The following FANK1 variants were observed in gnomAD, a reference collection of about 807,000 sequenced individuals.
The protein encoded by FANK1 is fibronectin type 3 and ankyrin repeat domains protein 1.
A neutral mutation model predicts 45.3 loss-of-function variants in FANK1; 44 were observed. That is an observed-to-expected ratio of 0.97 (90% CI 0.76 to 1.25). The LOEUF (loss-of-function observed/expected upper bound fraction) is 1.25. FANK1 is among the 50% of genes most tolerant of loss of function. FANK1 has a pLI of 0.00. For missense variants in FANK1, 391 were observed against 424.4 expected (o/e 0.92, Z 0.69); for synonymous variants, 149 against 152.5 (o/e 0.98, Z 0.17).
chr10:126,007,205 G>A (rs1953283368), intron 7 of FANK1: 1 of 152,188 alleles, frequency 6.6e-6, no homozygotes, highest in Non-Finnish European at 1.5e-5. Context: ...TACTAAGAGT[G>A]ACTTATTTAC....
At chr10:125,994,747 CTGT>C (rs919483967) in intron 3 of FANK1, 3 of 985,250 alleles carry the variant, frequency 3.0e-6, no homozygotes, top group Non-Finnish European at 3.6e-6. Context: ...GCCCGCCTGC[CTGT>C]TGGCTTCGCT....
At chr10:125,936,763 G>C (rs921599750) in intron 1 of FANK1, among the ~76,000 whole-genome samples, 14 of 151,890 alleles carry the variant, frequency 9.2e-5, no homozygotes, top group Non-Finnish European at 7.4e-5. Context: ...TCTTGTTTTT[G>C]GCTATTATGA....
intron 6 of FANK1, among the ~76,000 whole-genome samples, chr10:126,000,827 A>G (rs1952703241): frequency 6.6e-6 from 1 of 152,212 alleles, no homozygotes; most frequent in South Asian, 2.1e-4. Flanking sequence ...ATGCCCATAC[A>G]TATACTCCAA....
intron 1 of FANK1, among the ~76,000 whole-genome samples, chr10:125,926,206 G>A (rs12245475): frequency 0.019 from 2,878 of 152,030 alleles, 111 homozygotes; most frequent in African/African-American, 0.065. Flanking sequence ...ATTCACAGGC[G>A]GTTTTAAGAA....
intron 1 of FANK1, among the ~76,000 whole-genome samples, chr10:125,900,543 T>C (rs1944942523): frequency 6.6e-6 from 1 of 152,224 alleles, no homozygotes. Context: ...TCCCACTTGG[T>C]GCTACCTGTT....
At chr10:125,918,122 G>A (rs1946607319) in intron 1 of FANK1, among the ~76,000 whole-genome samples, 2 of 152,298 alleles carry the variant, frequency 1.3e-5, no homozygotes, top group South Asian at 2.1e-4. Flanking sequence ...GCCAGAGGCT[G>A]GGGTAGAGAG....
At chr10:126,004,206 A>AT (rs1202571040) in intron 6 of FANK1, 1 of 150,560 alleles carries the variant, frequency 6.6e-6, no homozygotes, top group Non-Finnish European at 1.5e-5. Context: ...TTAAATACCA[A>AT]TTTTTAGAGT....
rs768786794 is a variant in FANK1, at chr10:125,955,716, C to T, written c.14-24445C>T. 5.9e-4 allele frequency among the ~76,000 whole-genome samples: 90 copies of T among 152,178 alleles called. 1 individual carries two copies. The highest frequency in any genetic ancestry group is 1.9e-3 in the African/African-American group (80 of 41,452). On this transcript the variant is annotated intron_variant, in intron 1 of 10. Transcript: ENST00000368693. ...CAAACTCTGAGGCTCAAGCAATTCT[C>T]ATGCCTCACCCTCTCAAAGTGCTGG...
At chr10:125,939,328 C>CT (rs1401063023) in intron 1 of FANK1, among the ~76,000 whole-genome samples, 7 of 152,240 alleles carry the variant, frequency 4.6e-5, no homozygotes, top group South Asian at 4.1e-4. Flanking sequence ...TGAATATGGA[C>CT]TACATATTCG....
intron 1 of FANK1, among the ~76,000 whole-genome samples, chr10:125,970,458 C>G (rs1478497313): frequency 6.6e-6 from 1 of 152,242 alleles, no homozygotes; most frequent in Non-Finnish European, 1.5e-5. Context: ...AATCTCCGCA[C>G]TTTGGGAGGC....
intron 1 of FANK1, among the ~76,000 whole-genome samples, chr10:125,978,260 C>G (rs1320479460): frequency 6.6e-6 from 1 of 151,962 alleles, no homozygotes; most frequent in Non-Finnish European, 1.5e-5. Flanking sequence ...TAGGAAGTGA[C>G]TGGAGACCCT....
chr10:125,989,117 G>T (rs556453157), intron 3 of FANK1, among the ~76,000 whole-genome samples: 69 of 152,226 alleles, frequency 4.5e-4, no homozygotes, highest in Non-Finnish European at 9.3e-4. Context: ...GATTCCTGGG[G>T]TCACGGTGAG....
At chr10:125,989,373 G>C (rs993444447) in intron 3 of FANK1, 1 of 1,550,550 alleles carries the variant, frequency 6.4e-7, no homozygotes, top group African/African-American at 1.4e-5. Flanking sequence ...TAATTTTTCA[G>C]TTGCACAAAG....
chr10:125,979,851 C>T (rs1216207012), intron 1 of FANK1: 8 of 497,906 alleles, frequency 1.6e-5, no homozygotes, highest in South Asian at 1.2e-4. Flanking sequence ...AACTGAGTTC[C>T]AGCAGGTCAA....
intron 1 of FANK1, among the ~76,000 whole-genome samples, chr10:125,949,106 A>T (rs1430789560): frequency 6.6e-6 from 1 of 152,008 alleles, no homozygotes; most frequent in African/African-American, 2.4e-5. Flanking sequence ...TTAGGTATTG[A>T]TGGGATGTAT....
intron 1 of FANK1, among the ~76,000 whole-genome samples, chr10:125,964,035 T>C (rs1950073846): frequency 6.6e-6 from 1 of 152,068 alleles, no homozygotes; most frequent in South Asian, 2.1e-4. Context: ...AGTTCAGACA[T>C]AAAATATGTA....
In FANK1 at chr10:125,977,769, T is replaced by C. The variant is rs1252832976; in HGVS notation, c.14-2392T>C. Among the ~76,000 whole-genome samples, 2 of 152,160 alleles carry C rather than the reference T, an allele frequency of 1.3e-5. 1 individual carries two copies. Among genetic ancestry groups the C allele is most frequent in the Non-Finnish European group, 2.9e-5 (2 of 68,020 alleles). Reference sequence around the variant, plus strand: ...GGGTTCCCTGTCTGGTGATGAGCCATGCTGGGGAGAGTGGGTGTGGGACCT... The same window carrying C: ...GGGTTCCCTGTCTGGTGATGAGCCACGCTGGGGAGAGTGGGTGTGGGACCT... On this transcript the variant is annotated intron_variant, in intron 1 of 10. Coordinates refer to ENST00000368693, the MANE Select transcript of FANK1 (RefSeq NM_145235.5).
intron 1 of FANK1, among the ~76,000 whole-genome samples, chr10:125,960,962 G>A (rs967629783): frequency 6.6e-6 from 1 of 152,122 alleles, no homozygotes. Context: ...AAAGCTGGAG[G>A]TATACACTGT....
chr10:126,005,307 CTTTTT>C (rs35163273), intron 7 of FANK1, among the ~76,000 whole-genome samples: 2 of 122,294 alleles, frequency 1.6e-5, no homozygotes. Flanking sequence ...TACTTTCTTT[CTTTTT>C]TTTTTTTTTT....
Sources: allele counts gnomAD v4.1 joint callset (sites outside exome capture counted in the v4.1 genomes callset), GRCh38; gene constraint gnomAD v4.1.1; transcripts MANE v1.5; gene names NCBI Gene and HGNC (gene_info 2026-07-23, HGNC 2026-07-21).